PON3: variants seen among roughly 807,000 people sequenced by gnomAD.
PON3 encodes serum paraoxonase/lactonase 3.
Under a neutral mutation model 36.3 loss-of-function variants are expected in PON3, and 37 were observed. The ratio of observed to expected loss-of-function variants is 1.02; its 90% CI spans 0.78 to 1.34. PON3 has a LOEUF of 1.34. Among genes scored for constraint, PON3 ranks in the 40% most tolerant of loss-of-function variants. PON3 has a pLI of 0.00. For synonymous variants in PON3, 155 were observed against 154.8 expected (o/e 1.00, Z -0.01); for missense variants, 415 against 426.5 (o/e 0.97, Z 0.24).
At chr7:95,382,821 A>G (rs1490308057) in intron 3 of PON3, among the ~76,000 whole-genome samples, 1 of 152,214 alleles carries the variant, frequency 6.6e-6, no homozygotes, top group Non-Finnish European at 1.5e-5. Context: ...CAATCAATAG[A>G]AAAAGAGGGA....
At chr7:95,373,875 G>T (rs1255591920) in intron 3 of PON3, among the ~76,000 whole-genome samples, 1 of 152,168 alleles carries the variant, frequency 6.6e-6, no homozygotes, top group East Asian at 1.9e-4. Flanking sequence ...CCTGTAAGGA[G>T]CTGGGCCTTA....
chr7:95,389,589 T>C (rs1809273483), intron 3 of PON3, among the ~76,000 whole-genome samples: 1 of 152,232 alleles, frequency 6.6e-6, no homozygotes, highest in South Asian at 2.1e-4. Flanking sequence ...TGTAACTTCT[T>C]GATTATTCCT....
chr7:95,383,740 A>G lies in PON3; in HGVS notation c.201+6414T>C, dbSNP rs868111812. Among the ~76,000 whole-genome samples the G allele has an allele frequency of 1.1e-3, 172 of 152,230 alleles. 3 individuals carry two copies. Among genetic ancestry groups the G allele is most frequent in the South Asian group, 1.0e-3 (5 of 4,828 alleles). On this transcript the variant is annotated intron_variant, in intron 3 of 8. Coordinates refer to ENST00000265627, the MANE Select transcript of PON3 (RefSeq NM_000940.3). ...AATGGAAGAACATTCCATGCTCATG[A>G]ATAGGAAGAATCAATATCGTGAAAA...
At chr7:95,393,896 C>T (rs1809373389) in intron 2 of PON3, among the ~76,000 whole-genome samples, 1 of 151,850 alleles carries the variant, frequency 6.6e-6, no homozygotes, top group Non-Finnish European at 1.5e-5. Flanking sequence ...GAGGTTCCTT[C>T]GTTTATTATT....
At chr7:95,369,926 G>A (rs1460547211) in intron 4 of PON3, among the ~76,000 whole-genome samples, 1 of 152,228 alleles carries the variant, frequency 6.6e-6, no homozygotes, top group South Asian at 2.1e-4. Context: ...TGATGACAAA[G>A]AGTGAGCCAG....
intron 3 of PON3, among the ~76,000 whole-genome samples, chr7:95,375,569 G>A (rs1808898826): frequency 6.6e-6 from 1 of 152,090 alleles, no homozygotes; most frequent in South Asian, 2.1e-4. Context: ...GCTCAAGACA[G>A]AACACAATGG....
intron 3 of PON3, among the ~76,000 whole-genome samples, chr7:95,376,945 T>C (rs2116398175): frequency 6.6e-6 from 1 of 152,288 alleles, no homozygotes; most frequent in East Asian, 1.9e-4. Context: ...GGGCAGGGCG[T>C]CACCTCACCC....
At chr7:95,373,248 C>CT (rs1238041833) in intron 3 of PON3, among the ~76,000 whole-genome samples, 1 of 152,168 alleles carries the variant, frequency 6.6e-6, no homozygotes, top group African/African-American at 2.4e-5. Context: ...CTTTCTGCCT[C>CT]TTTCCCTCTC....
intron 1 of PON3, chr7:95,395,999 A>T: frequency 2.1e-6 from 1 of 475,718 alleles, no homozygotes; most frequent in Non-Finnish European, 3.9e-6. Context: ...TCACGTTCAG[A>T]AAGTAAAAGG....
chr7:95,361,585 T>C (rs529196797), intron 8 of PON3, among the ~76,000 whole-genome samples: 2 of 152,302 alleles, frequency 1.3e-5, no homozygotes, highest in East Asian at 1.9e-4. Flanking sequence ...TTATTTCTTA[T>C]GCTTATTGTT....
At chr7:95,367,028 C>CA (rs1334155361) in intron 5 of PON3, among the ~76,000 whole-genome samples, 3 of 151,804 alleles carry the variant, frequency 2.0e-5, no homozygotes, top group Non-Finnish European at 4.4e-5. Context: ...CTAGGACAAC[C>CA]AAAAAAGGGT....
At chr7:95,364,139 C>T (rs1808640416) in intron 5 of PON3, 76 bp from the exon 6 acceptor site, 1 of 1,134,546 alleles carries the variant, frequency 8.8e-7, no homozygotes, top group Non-Finnish European at 1.3e-6. Flanking sequence ...AATCACTCAT[C>T]TCTACATAGA....
At chr7:95,377,246 G>T (rs1808940009) in intron 3 of PON3, among the ~76,000 whole-genome samples, 1 of 152,180 alleles carries the variant, frequency 6.6e-6, no homozygotes, top group African/African-American at 2.4e-5. Flanking sequence ...TGCTCACAGT[G>T]TAAACAAAGA....
intron 3 of PON3, among the ~76,000 whole-genome samples, chr7:95,384,085 T>C (rs56952328): frequency 5.9e-5 from 9 of 151,786 alleles, no homozygotes; most frequent in Non-Finnish European, 7.4e-5. Flanking sequence ...ACAAACCTGA[T>C]AAAAACAAGA....
chr7:95,392,337 A>G (rs142832138), intron 2 of PON3, among the ~76,000 whole-genome samples: 5 of 152,320 alleles, frequency 3.3e-5, no homozygotes, highest in Non-Finnish European at 7.3e-5. Flanking sequence ...GCAAATCAGA[A>G]CATTGACCTA....
At chr7:95,362,542 T>C in intron 7 of PON3, 52 bp from the exon 8 acceptor site, 1 of 1,611,148 alleles carries the variant, frequency 6.2e-7, no homozygotes, top group South Asian at 1.1e-5. Flanking sequence ...TTCCTCGCTT[T>C]CTTCCCTATT....
Position 95,394,639 on chromosome 7 carries a change from C to T in PON3, c.145+5G>A, listed in dbSNP as rs751411840. On this transcript the variant is annotated splice_donor_5th_base_variant and intron_variant, in intron 2 of 8. Transcript: ENST00000265627. ...TGGCTCCTCTTGGTACTGTCACATACATACCAAGTTCCTCAATAAGGTGGC... is the reference window on the plus strand; with the variant it reads ...TGGCTCCTCTTGGTACTGTCACATATATACCAAGTTCCTCAATAAGGTGGC... The T allele has an allele frequency of 4.3e-6, 7 of 1,612,444 alleles. No individual in the cohort carries two copies. The highest frequency in any genetic ancestry group is 5.9e-6 in the Non-Finnish European group (7 of 1,178,488).
intron 3 of PON3, among the ~76,000 whole-genome samples, chr7:95,387,171 A>G (rs148032998): frequency 6.6e-6 from 1 of 152,330 alleles, no homozygotes; most frequent in Non-Finnish European, 1.5e-5. Flanking sequence ...AAGGGTATTC[A>G]GTTAGGAAAA....
At chr7:95,362,928 A>G (rs1019748411) in intron 6 of PON3, 87 bp from the exon 7 acceptor site, 1 of 936,264 alleles carries the variant, frequency 1.1e-6, no homozygotes. Flanking sequence ...ATAAAAATGC[A>G]CACTCCTTGA....
Sources: allele counts gnomAD v4.1 joint callset (sites outside exome capture counted in the v4.1 genomes callset), GRCh38; gene constraint gnomAD v4.1.1; transcripts MANE v1.5; gene names NCBI Gene and HGNC (gene_info 2026-07-23, HGNC 2026-07-21).